DBNL: variants seen among roughly 807,000 people sequenced by gnomAD.
DBNL encodes drebrin-like protein.
DBNL carries 35 observed loss-of-function variants against 62.2 expected under a neutral mutation model. The ratio of observed to expected loss-of-function variants is 0.56; its 90% CI spans 0.43 to 0.75. DBNL has a LOEUF of 0.75. DBNL is among the 30% of genes least tolerant of loss of function. DBNL has a pLI of 0.00. For missense variants in DBNL, 495 were observed against 578.4 expected, an observed-to-expected ratio of 0.86 and a Z score of 1.48; for synonymous variants, 197 against 218.0, an observed-to-expected ratio of 0.90 and a Z score of 0.85.
chr7:44,048,729 G>A (rs570885738), intron 1 of DBNL, among the ~76,000 whole-genome samples: 8 of 152,328 alleles, frequency 5.3e-5, no homozygotes, highest in Non-Finnish European at 1.2e-4. Flanking sequence ...ACTGGGTTTT[G>A]CCTTTGACTT....
Position 44,064,793 on chromosome 7 carries a change from G to GGCCCCCCCCCCCCC in DBNL, c.*3877_*3878insGCCCCCCCCCCCCC. On this transcript the variant is annotated 3_prime_UTR_variant, in exon 13 of 13. Transcript: ENST00000448521. ...AGATGAGAAGCCAGCTGGGGCTGCT[G>GGCCCCCCCCCCCCC]CCCACCCACCCTGCCCAGGCTCCTG... is the stretch of plus-strand genomic sequence containing the variant. 1.5e-5 allele frequency: 17 copies of GGCCCCCCCCCCCCC among 1,136,888 alleles called. No homozygotes were observed. Among genetic ancestry groups the GGCCCCCCCCCCCCC allele is most frequent in the East Asian group, 2.5e-5 (1 of 40,026 alleles). 70.4% of individuals were successfully genotyped at this position (1,136,888 alleles called of 1,614,324 possible). A position where few individuals can be genotyped will look rare whatever the true frequency, so the allele number is the denominator to read the frequency against.
chr7:44,050,435 A>G, intron 2 of DBNL, 155 bp downstream of exon 2: 1 of 680,498 alleles, frequency 1.5e-6, no homozygotes, highest in South Asian at 1.7e-5. Flanking sequence ...GATATGTGTA[A>G]GTGAAAACAT....
chr7:44,049,100 C>G (rs1184267923), intron 1 of DBNL, among the ~76,000 whole-genome samples: 1 of 152,112 alleles, frequency 6.6e-6, no homozygotes, highest in Non-Finnish European at 1.5e-5. Flanking sequence ...AGCGACCCTC[C>G]TGCCTCAGCC....
chr7:44,052,672 T>C (rs2096128696), intron 3 of DBNL, among the ~76,000 whole-genome samples, 195 bp from the exon 4 acceptor site: 1 of 151,964 alleles, frequency 6.6e-6, no homozygotes, highest in African/African-American at 2.4e-5. Flanking sequence ...GTAGCCATCC[T>C]GCCCAGGGAG....
At chr7:44,053,327 G>A (rs918235405) in intron 4 of DBNL, among the ~76,000 whole-genome samples, 1 of 152,212 alleles carries the variant, frequency 6.6e-6, no homozygotes, top group African/African-American at 2.4e-5. Context: ...CCCTTTTGAT[G>A]CATTCCTTTC....
Position 44,060,708 on chromosome 7 carries a change from T to C in DBNL, c.1154-69T>C, listed in dbSNP as rs545923085. On this transcript the variant is annotated intron_variant, in intron 12 of 12. Transcript: ENST00000448521. The surrounding 1 kb of genome is among the most constrained non-coding windows in gnomAD (Gnocchi z 6.3). Reference sequence around the variant, plus strand: ...GTGCTGCAGCAGTGTGGGGCTGCCGTGGGCTGCCCGAGCAGGTGGGATGTG... The same window carrying C: ...GTGCTGCAGCAGTGTGGGGCTGCCGCGGGCTGCCCGAGCAGGTGGGATGTG... The C allele has an allele frequency of 1.8e-5, 28 of 1,580,446 alleles. 1 individual carries two copies. In the South Asian group the frequency reaches 3.1e-4, roughly 17 times the overall value.
chr7:44,060,760 G>A lies in DBNL; in HGVS notation c.1154-17G>A. Reference sequence around the variant, plus strand: ...GAGGGAGCCCCTGATATGCATCTGGGCTCATCCTCTTTGCAGCCGACGACA... The same window carrying A: ...GAGGGAGCCCCTGATATGCATCTGGACTCATCCTCTTTGCAGCCGACGACA... On this transcript the variant is annotated splice_polypyrimidine_tract_variant and intron_variant, in intron 12 of 12. Transcript: ENST00000448521. The surrounding 1 kb of genome is among the most constrained non-coding windows in gnomAD (Gnocchi z 6.3). 2.5e-6 allele frequency: 4 copies of A among 1,612,334 alleles called. No homozygotes were observed. Among genetic ancestry groups the A allele is most frequent in the Non-Finnish European group, 3.4e-6 (4 of 1,179,036 alleles).
rs113218565 is a variant in DBNL, at chr7:44,068,233, GGGTA to G, written c.*7324_*7327del. 0.29 allele frequency: 44,162 copies of G among 151,854 alleles called. 6,973 individuals carry two copies. Among genetic ancestry groups the G allele is most frequent in the African/African-American group, 0.42 (17,256 of 41,316 alleles). 9.4% of individuals were successfully genotyped at this position (151,854 alleles called of 1,614,324 possible). A position where few individuals can be genotyped will look rare whatever the true frequency, so the allele number is the denominator to read the frequency against. On this transcript the variant is annotated 3_prime_UTR_variant, in exon 13 of 13. Coordinates refer to ENST00000448521, the MANE Select transcript of DBNL (RefSeq NM_001014436.3). ...ATGCAGTTTCAGGGAGTATGCAGCA[GGGTA>G]GGTAGGGAAAGAGCCCCAGATTTGT...
At position 44,063,664 on chromosome 7, in the gene DBNL, G is replaced by C. The variant is rs554961584; in HGVS notation, c.*2748G>C. ...AATGGAGCTGGAGGAGGGACAGGGA[G>C]GCCGAGCCTGGTCGAAACCTGACCC... On this transcript the variant is annotated 3_prime_UTR_variant, in exon 13 of 13. Transcript: ENST00000448521. The C allele has an allele frequency of 6.5e-6, 1 of 154,422 alleles. No homozygotes were observed. The highest frequency in any genetic ancestry group is 6.3e-5 in the Admixed American group (1 of 15,840). The allele number at this position is 154,422 out of a possible 1,614,324, so 9.6% of individuals were successfully genotyped here. A position where few individuals can be genotyped will look rare whatever the true frequency, so the allele number is the denominator to read the frequency against.
intron 3 of DBNL, among the ~76,000 whole-genome samples, chr7:44,052,298 C>G (rs975916462): frequency 6.6e-6 from 1 of 151,906 alleles, no homozygotes; most frequent in African/African-American, 2.4e-5. Context: ...CCTCCTTGAT[C>G]CCTTGGTGGG....
intron 4 of DBNL, among the ~76,000 whole-genome samples, chr7:44,055,316 C>T (rs184077932): frequency 6.6e-6 from 1 of 152,196 alleles, no homozygotes; most frequent in East Asian, 1.9e-4. Context: ...AAAAATACAA[C>T]AATTAGCCAG....
rs749935274 is a variant in DBNL, at chr7:44,052,875, G to C, written c.261G>C (p.Glu87Asp). 3 of 1,613,900 alleles carry C rather than the reference G, an allele frequency of 1.9e-6. No homozygotes were observed. Among genetic ancestry groups the C allele is most frequent in the Non-Finnish European group, 1.7e-6 (2 of 1,180,016 alleles). The stretch of plus-strand genomic sequence containing the variant: ...GCATCCTTGTGTTGCAGACAGGCGA[G>C]GGCGTGAACGATGTGCGGAAGGGAG... The part of the protein sequence containing the change: ...PKFVLINWTG[E>D]GVNDVRKGAC... Residue 87 changes from glutamate to aspartate, a missense_variant, in exon 4 of 13, where the codon GAG becomes GAC. Transcript: ENST00000448521.
At chr7:44,052,468 G>A (rs774567003) in intron 3 of DBNL, among the ~76,000 whole-genome samples, 99 of 151,968 alleles carry the variant, frequency 6.5e-4, no homozygotes, top group Non-Finnish European at 1.3e-3. Flanking sequence ...AAATTAGCTG[G>A]GCATGGCAGC....
chr7:44,057,780 A>C lies in DBNL; in HGVS notation c.475-2A>C, dbSNP rs1257858398. On this transcript the variant is annotated splice_acceptor_variant, in intron 5 of 12. Transcript: ENST00000448521. LOFTEE classifies it high-confidence loss of function. ...GTCTCTAATGAGTGCTGTCCCCTAC[A>C]GGGCTCTGTGTACCAGAAGACCAAT... The C allele has an allele frequency of 6.2e-7, 1 of 1,614,120 alleles. No homozygotes were observed. The highest frequency in any genetic ancestry group is 1.1e-5 in the South Asian group (1 of 91,082).
chr7:44,052,922 C>T lies in DBNL; in HGVS notation c.308C>T (p.Thr103Ile), dbSNP rs2096129132. Residue 103 changes from threonine (T) to isoleucine (I), a missense_variant, in exon 4 of 13, where the codon ACC becomes ATC. Coordinates refer to ENST00000448521, the MANE Select transcript of DBNL (RefSeq NM_001014436.3). ...GGAGCCTGTGCCAGCCACGTCAGCACCATGGCCAGCTTCCTGAAGGTAAGG... is the reference window on the plus strand; with the variant it reads ...GGAGCCTGTGCCAGCCACGTCAGCATCATGGCCAGCTTCCTGAAGGTAAGG... ...RKGACASHVS[T>I]MASFLKGAHV... The T allele has an allele frequency of 1.9e-6, 3 of 1,613,468 alleles. No homozygotes were observed. The highest frequency in any genetic ancestry group is 2.5e-6 in the Non-Finnish European group (3 of 1,179,994).
intron 1 of DBNL, among the ~76,000 whole-genome samples, chr7:44,046,023 A>G (rs185426396): frequency 1.2e-3 from 185 of 152,216 alleles, no homozygotes; most frequent in Admixed American, 4.1e-3. Context: ...AGATTTACCC[A>G]CGTCAGTCAG....
rs543117734 is a variant in DBNL, at chr7:44,068,940, T to G, written c.*8024T>G. 1 of 152,300 alleles carries G rather than the reference T, an allele frequency of 6.6e-6. No homozygotes were observed. The highest frequency in any genetic ancestry group is 2.1e-4 in the South Asian group (1 of 4,826). 9.4% of individuals were successfully genotyped at this position (152,300 alleles called of 1,614,324 possible). A position where few individuals can be genotyped will look rare whatever the true frequency, so the allele number is the denominator to read the frequency against. ...TACATTTCATTCAGGTGAACAATTCTTTGAAAGACTGGATCTTCACCAGAA... is the reference window on the plus strand; with the variant it reads ...TACATTTCATTCAGGTGAACAATTCGTTGAAAGACTGGATCTTCACCAGAA... On this transcript the variant is annotated 3_prime_UTR_variant, in exon 13 of 13. Transcript: ENST00000448521.
At chr7:44,052,749 T>A (rs563039267) in intron 3 of DBNL, 118 bp from the exon 4 acceptor site, 1 of 1,191,096 alleles carries the variant, frequency 8.4e-7, no homozygotes, top group African/African-American at 1.5e-5. Flanking sequence ...AAGAATAGGT[T>A]CTGCTTTGGG....
Position 44,062,800 on chromosome 7 carries a change from G to A in DBNL, c.*1884G>A, listed in dbSNP as rs142209394. 2.2e-4 allele frequency: 348 copies of A among 1,614,210 alleles called. No homozygotes were observed. The African/African-American group carries it at 3.5e-3, about 16-fold the overall frequency. ...TGCCCTGGGCAGCCACAGCCTCCAT[G>A]GCCTTCCGCACCGTTTCCTCATCAC... On this transcript the variant is annotated 3_prime_UTR_variant, in exon 13 of 13. Transcript: ENST00000448521.
Sources: gnomAD v4.1 joint callset for allele counts (sites outside exome capture counted in the v4.1 genomes callset) on GRCh38, gnomAD v4.1.1 for gene constraint, Gnocchi (gnomAD v3.1) non-coding constraint, MANE v1.5 for transcripts, NCBI Gene and HGNC (gene_info 2026-07-23, HGNC 2026-07-21) for gene names.